C13orf46: variants seen among roughly 807,000 people sequenced by gnomAD.
C13orf46 encodes chromosome 13 open reading frame 46.
Position 113,971,474 on chromosome 13 carries a change from G to A in C13orf46, c.191-1252C>T, listed in dbSNP as rs147655738. 7.2e-3 allele frequency among the ~76,000 whole-genome samples: 1,098 copies of A among 152,350 alleles called. 45 individuals carry two copies. The highest frequency in any genetic ancestry group is 0.063 in the Admixed American group (960 of 15,302). On this transcript the variant is annotated intron_variant, in intron 1 of 6. Coordinates refer to ENST00000636427, the MANE Select transcript of C13orf46 (RefSeq NM_001365455.2). ...CAGAGCCTTTGCAGAATCAACAGGC[G>A]TCCAGGGTGCATGTGGGCTCAAGGC... is the stretch of plus-strand genomic sequence containing the variant.
At chr13:113,929,902 T>G in the C13orf46 span, among the ~76,000 whole-genome samples, 1 of 152,206 alleles carries the variant, frequency 6.6e-6, no homozygotes, top group Non-Finnish European at 1.5e-5. Flanking sequence ...CCTACGACAC[T>G]GTCCTCAGGC....
the C13orf46 span, among the ~76,000 whole-genome samples, chr13:113,934,021 G>A: frequency 6.6e-6 from 1 of 152,188 alleles, no homozygotes; most frequent in African/African-American, 2.4e-5. Flanking sequence ...CATTCGAGAT[G>A]CATGACCGTC....
downstream of C13orf46, among the ~76,000 whole-genome samples, chr13:113,951,234 C>T (rs922195859): frequency 5.9e-4 from 90 of 152,266 alleles, 1 homozygote; most frequent in African/African-American, 1.9e-3. Flanking sequence ...GCTTGGATCT[C>T]GGGTGTCTGT....
chr13:113,951,554 G>C (rs1237980645), downstream of C13orf46, among the ~76,000 whole-genome samples: 1 of 152,054 alleles, frequency 6.6e-6, no homozygotes, highest in African/African-American at 2.4e-5. Flanking sequence ...GGCATAGAGG[G>C]GCCCAGCCAG....
the C13orf46 span, chr13:113,928,333 G>C: frequency 6.6e-6 from 1 of 152,422 alleles, no homozygotes; most frequent in African/African-American, 2.4e-5. Context: ...CAGGAGGGGC[G>C]GGGCTGCGCA....
At chr13:113,952,079 A>C (rs1464933930), downstream of C13orf46, among the ~76,000 whole-genome samples, 3 of 152,246 alleles carry the variant, frequency 2.0e-5, no homozygotes, top group African/African-American at 2.4e-5. Context: ...CAGAACGTTG[A>C]ACTGAGACTC....
chr13:113,945,647 A>G, the C13orf46 span, among the ~76,000 whole-genome samples: 1 of 138,288 alleles, frequency 7.2e-6, no homozygotes, highest in Admixed American at 7.2e-5. Context: ...AAAGAAAGAA[A>G]GAAAGAAAGA....
At chr13:113,936,541 G>A in the C13orf46 span, among the ~76,000 whole-genome samples, 2 of 152,190 alleles carry the variant, frequency 1.3e-5, no homozygotes, top group African/African-American at 4.8e-5. Flanking sequence ...CCGTTTCCTG[G>A]CCAGTGGCGA....
At chr13:113,938,007 C>T in the C13orf46 span, among the ~76,000 whole-genome samples, 1 of 152,050 alleles carries the variant, frequency 6.6e-6, no homozygotes, top group Non-Finnish European at 1.5e-5. Flanking sequence ...TTTGTAGTTC[C>T]CTTACTCAGG....
At chr13:113,942,211 T>G in the C13orf46 span, among the ~76,000 whole-genome samples, 1 of 152,216 alleles carries the variant, frequency 6.6e-6, no homozygotes, top group African/African-American at 2.4e-5. Context: ...CGCATATGAG[T>G]TCTGCTGCTG....
chr13:113,945,575 A>AAGAAAGAAAGAAAGAAAGAAAGAAAG, the C13orf46 span, among the ~76,000 whole-genome samples: 2 of 89,144 alleles, frequency 2.2e-5, no homozygotes, highest in African/African-American at 4.2e-5. Context: ...GAAAGAAAGA[A>AAGAAAGAAAGAAAGAAAGAAAGAAAG]AGAGAGAGAG....
At chr13:113,946,052 G>GATTT in the C13orf46 span, among the ~76,000 whole-genome samples, 11 of 152,278 alleles carry the variant, frequency 7.2e-5, no homozygotes, top group Non-Finnish European at 1.0e-4. Flanking sequence ...CGTTCACCGT[G>GATTT]AGTGAATGCC....
chr13:113,953,072 C>A (rs906225715), downstream of C13orf46, among the ~76,000 whole-genome samples: 3 of 152,266 alleles, frequency 2.0e-5, no homozygotes, highest in African/African-American at 7.2e-5. Context: ...TGGACGCTGA[C>A]TGCCGCTGCC....
the C13orf46 span, among the ~76,000 whole-genome samples, chr13:113,946,123 G>A: frequency 2.6e-5 from 4 of 152,180 alleles, no homozygotes; most frequent in East Asian, 1.9e-4. Flanking sequence ...GCTATTGTAC[G>A]AGGTATCAGT....
the C13orf46 span, among the ~76,000 whole-genome samples, chr13:113,934,449 G>A: frequency 6.6e-6 from 1 of 152,152 alleles, no homozygotes; most frequent in African/African-American, 2.4e-5. Context: ...AAGGGTGTGG[G>A]GCCACAATTA....
the C13orf46 span, among the ~76,000 whole-genome samples, chr13:113,940,540 TGGTCTCTGG>T: frequency 1.0e-3 from 119 of 116,026 alleles, no homozygotes; most frequent in African/African-American, 3.3e-3. Context: ...TTCGAGACCC[TGGTCTCTGG>T]GACTCCATGT....
At chr13:113,932,775 C>G in the C13orf46 span, among the ~76,000 whole-genome samples, 2 of 152,032 alleles carry the variant, frequency 1.3e-5, no homozygotes, top group African/African-American at 4.8e-5. Context: ...ATTTAAAAAA[C>G]CTTTCCCAAA....
At chr13:113,971,169 C>T (rs773197754) in intron 1 of C13orf46, among the ~76,000 whole-genome samples, 2 of 152,192 alleles carry the variant, frequency 1.3e-5, no homozygotes, top group African/African-American at 2.4e-5. Context: ...CCTGGCTTCC[C>T]GCAGCTACTC....
At chr13:113,943,644 C>T in the C13orf46 span, among the ~76,000 whole-genome samples, 7 of 152,228 alleles carry the variant, frequency 4.6e-5, no homozygotes, top group Admixed American at 3.9e-4. Flanking sequence ...TGGAAACCAC[C>T]TCTCGGGTTA....
Sources: gnomAD v4.1 joint callset for allele counts (sites outside exome capture counted in the v4.1 genomes callset) on GRCh38, gnomAD v4.1.1 for gene constraint, MANE v1.5 for transcripts, NCBI Gene and HGNC (gene_info 2026-07-23, HGNC 2026-07-21) for gene names.